The following MDFIC2 variants were observed in gnomAD, a reference collection of about 807,000 sequenced individuals.
The protein encoded by MDFIC2 is myoD family inhibitor domain-containing protein 2.
At chr3:70,279,471 C>T (rs180859850) in intron 2 of MDFIC2, among the ~76,000 whole-genome samples, 2 of 152,216 alleles carry the variant, frequency 1.3e-5, no homozygotes, top group East Asian at 3.9e-4. Flanking sequence ...CTCTTCATCC[C>T]CTGTACCACA....
chr3:70,271,131 G>A (rs1701972624), intron 2 of MDFIC2, among the ~76,000 whole-genome samples: 1 of 152,062 alleles, frequency 6.6e-6, no homozygotes, highest in Non-Finnish European at 1.5e-5. Flanking sequence ...TGGTGCAAAA[G>A]TCATTGTGGT....
chr3:70,309,256 GCCTACATC>G (rs1702434810), intron 2 of MDFIC2, among the ~76,000 whole-genome samples: 1 of 152,108 alleles, frequency 6.6e-6, no homozygotes, highest in East Asian at 1.9e-4. Flanking sequence ...GTCTTTCCAA[GCCTACATC>G]CCTTAATTTG....
intron 2 of MDFIC2, among the ~76,000 whole-genome samples, chr3:70,214,785 G>A (rs991907869): frequency 2.6e-5 from 4 of 152,030 alleles, no homozygotes; most frequent in Non-Finnish European, 5.9e-5. Flanking sequence ...AGACATGAAA[G>A]CAGTTTGCAA....
chr3:70,245,334 A>G (rs1021771979), intron 2 of MDFIC2, among the ~76,000 whole-genome samples: 1 of 152,028 alleles, frequency 6.6e-6, no homozygotes, highest in Non-Finnish European at 1.5e-5. Flanking sequence ...CTAAGAGAAA[A>G]CAACTTAAAG....
At chr3:70,230,755 C>T (rs907203929) in intron 2 of MDFIC2, among the ~76,000 whole-genome samples, 3 of 152,218 alleles carry the variant, frequency 2.0e-5, no homozygotes, top group Admixed American at 6.5e-5. Flanking sequence ...CCTTCACCCT[C>T]CTTGAGTTTT....
At chr3:70,231,975 C>G (rs571997793) in intron 2 of MDFIC2, among the ~76,000 whole-genome samples, 1 of 152,130 alleles carries the variant, frequency 6.6e-6, no homozygotes, top group African/African-American at 2.4e-5. Flanking sequence ...TTGGGAGCCC[C>G]CAAAGCGTTA....
chr3:70,216,417 A>G (rs1701412912), intron 2 of MDFIC2, among the ~76,000 whole-genome samples: 1 of 151,896 alleles, frequency 6.6e-6, no homozygotes, highest in Non-Finnish European at 1.5e-5. Context: ...CAGCAACCCT[A>G]TGTGGTAGGT....
intron 2 of MDFIC2, among the ~76,000 whole-genome samples, chr3:70,286,169 T>C (rs1702160817): frequency 6.6e-6 from 1 of 152,236 alleles, no homozygotes; most frequent in Non-Finnish European, 1.5e-5. Flanking sequence ...CTAGGTTTTC[T>C]TCTAGGCTTT....
chr3:70,200,340 G>A (rs1049337065), intron 3 of MDFIC2, among the ~76,000 whole-genome samples: 1 of 152,116 alleles, frequency 6.6e-6, no homozygotes, highest in Admixed American at 6.5e-5. Context: ...TAGCCTACAA[G>A]CCCTTGCATG....
At chr3:70,267,636 T>C (rs1408914328) in intron 2 of MDFIC2, among the ~76,000 whole-genome samples, 4 of 150,428 alleles carry the variant, frequency 2.7e-5, no homozygotes, top group African/African-American at 9.8e-5. Context: ...CAGAATGGTC[T>C]TGACCTCCTG....
intron 2 of MDFIC2, chr3:70,291,181 C>T (rs186275715): frequency 6.6e-6 from 1 of 152,226 alleles, no homozygotes; most frequent in Admixed American, 6.5e-5. Context: ...ACATCCAGGG[C>T]CCTGGAGCCA....
At chr3:70,216,139 T>C (rs1701409475) in intron 2 of MDFIC2, among the ~76,000 whole-genome samples, 1 of 149,668 alleles carries the variant, frequency 6.7e-6, no homozygotes, top group Admixed American at 6.6e-5. Context: ...TTTATAGATG[T>C]ATATGTATAT....
chr3:70,241,781 A>C (rs1701668770), intron 2 of MDFIC2, among the ~76,000 whole-genome samples: 1 of 152,168 alleles, frequency 6.6e-6, no homozygotes, highest in Non-Finnish European at 1.5e-5. Context: ...AAAAACCATT[A>C]ATGTTGAAAA....
At chr3:70,234,639 CAAAA>C (rs34609524) in intron 2 of MDFIC2, among the ~76,000 whole-genome samples, 1 of 118,838 alleles carries the variant, frequency 8.4e-6, no homozygotes. Flanking sequence ...GACCCTGGCT[CAAAA>C]AAAAAAAAAA....
chr3:70,279,134 C>A (rs1437855580), intron 2 of MDFIC2, among the ~76,000 whole-genome samples: 4 of 150,910 alleles, frequency 2.7e-5, no homozygotes, highest in Non-Finnish European at 5.9e-5. Context: ...GTTTCACTCA[C>A]TACATGCAAT....
At chr3:70,312,463 C>A (rs1165894266) in intron 1 of MDFIC2, 88 bp downstream of exon 1, 1 of 152,210 alleles carries the variant, frequency 6.6e-6, no homozygotes, top group East Asian at 1.9e-4. Context: ...GTTGACGAGA[C>A]CTATTACGAA....
intron 2 of MDFIC2, among the ~76,000 whole-genome samples, chr3:70,234,705 A>G (rs1010244257): frequency 2.0e-5 from 3 of 152,052 alleles, no homozygotes; most frequent in African/African-American, 7.2e-5. Context: ...ACACACATAC[A>G]TCTACTTTGC....
chr3:70,246,911 A>C (rs1701712429), intron 2 of MDFIC2, among the ~76,000 whole-genome samples: 1 of 152,088 alleles, frequency 6.6e-6, no homozygotes, highest in African/African-American at 2.4e-5. Context: ...TTATATTTAG[A>C]CATGACTCTT....
At chr3:70,282,567 T>G (rs1487289693) in intron 2 of MDFIC2, among the ~76,000 whole-genome samples, 3 of 152,186 alleles carry the variant, frequency 2.0e-5, no homozygotes, top group Non-Finnish European at 4.4e-5. Flanking sequence ...CCAAGCAGTC[T>G]CCTGAATCAG....
Sources: gnomAD v4.1 joint callset for allele counts (sites outside exome capture counted in the v4.1 genomes callset) on GRCh38, gnomAD v4.1.1 for gene constraint, MANE v1.5 for transcripts, NCBI Gene and HGNC (gene_info 2026-07-23, HGNC 2026-07-21) for gene names.